SCHIP1: variants seen among roughly 807,000 people sequenced by gnomAD.
The protein encoded by SCHIP1 is schwannomin interacting protein 1.
Under a neutral mutation model 29.7 loss-of-function variants are expected in SCHIP1, and 8 were observed. The observed-to-expected ratio is 0.27, with a 90% CI of 0.16 to 0.49. The LOEUF is 0.49. Among genes scored for constraint, SCHIP1 ranks in the 20% least tolerant of loss-of-function variants. The probability of loss-of-function intolerance (pLI) is 0.99; values close to 1 mark genes in which losing one functional copy is unlikely to be tolerated. For synonymous variants in SCHIP1, 76 were observed against 94.9 expected (o/e 0.80, Z 1.16); for missense variants, 193 against 294.6 (o/e 0.66, Z 2.52).
chr3:159,426,176 A>T, the SCHIP1 span, among the ~76,000 whole-genome samples: 494 of 152,280 alleles, frequency 3.2e-3, no homozygotes, highest in African/African-American at 0.011. Context: ...AGCAGAAGGC[A>T]AGAAATAACT....
chr3:159,439,559 G>T, the SCHIP1 span, among the ~76,000 whole-genome samples: 2 of 152,066 alleles, frequency 1.3e-5, no homozygotes, highest in African/African-American at 2.4e-5. Context: ...TTCAAGAAGA[G>T]ATTTGGGTGG....
At chr3:159,500,468 C>CTT in the SCHIP1 span, among the ~76,000 whole-genome samples, 1 of 152,088 alleles carries the variant, frequency 6.6e-6, no homozygotes, top group Non-Finnish European at 1.5e-5. Flanking sequence ...AATCCCAGCA[C>CTT]TTTGGGAGGC....
chr3:159,365,150 T>C, the SCHIP1 span, among the ~76,000 whole-genome samples: 1 of 152,100 alleles, frequency 6.6e-6, no homozygotes, highest in Non-Finnish European at 1.5e-5. Context: ...GAAGGAAGGA[T>C]TGGGGCGGGT....
the SCHIP1 span, among the ~76,000 whole-genome samples, chr3:159,638,777 T>C: frequency 6.6e-6 from 1 of 152,088 alleles, no homozygotes; most frequent in East Asian, 1.9e-4. Context: ...TATAAATACT[T>C]ATATTCATTT....
At chr3:159,793,530 A>T in the SCHIP1 span, among the ~76,000 whole-genome samples, 12 of 152,272 alleles carry the variant, frequency 7.9e-5, no homozygotes, top group Non-Finnish European at 1.6e-4. Context: ...ACAGGGCTAA[A>T]ATCAGGTTGT....
At chr3:159,622,769 A>T in the SCHIP1 span, among the ~76,000 whole-genome samples, 1 of 151,968 alleles carries the variant, frequency 6.6e-6, no homozygotes, top group Non-Finnish European at 1.5e-5. Flanking sequence ...ATACAAAAAA[A>T]TTAGCCGGGC....
At chr3:159,835,816 T>A (rs1257546693), upstream of SCHIP1, among the ~76,000 whole-genome samples, 2 of 152,170 alleles carry the variant, frequency 1.3e-5, no homozygotes, top group Non-Finnish European at 2.9e-5. Context: ...GTATGCTCGA[T>A]GGCCTGAGGA....
chr3:159,656,150 G>A, the SCHIP1 span, among the ~76,000 whole-genome samples: 4 of 152,154 alleles, frequency 2.6e-5, no homozygotes, highest in South Asian at 2.1e-4. Flanking sequence ...TCTATGGTAA[G>A]CAAATTGGAA....
the SCHIP1 span, among the ~76,000 whole-genome samples, chr3:159,756,953 T>C: frequency 6.6e-6 from 1 of 152,320 alleles, no homozygotes; most frequent in African/African-American, 2.4e-5. Context: ...TTAATGTCCA[T>C]ATCACTATCA....
At chr3:159,418,124 G>A in the SCHIP1 span, among the ~76,000 whole-genome samples, 2 of 152,186 alleles carry the variant, frequency 1.3e-5, no homozygotes, top group African/African-American at 4.8e-5. Flanking sequence ...TAATACGTAT[G>A]TCTTAGAGCT....
At chr3:159,654,688 T>C in the SCHIP1 span, among the ~76,000 whole-genome samples, 1 of 150,440 alleles carries the variant, frequency 6.6e-6, no homozygotes, top group Non-Finnish European at 1.5e-5. Context: ...AGGGAGTCAG[T>C]AGGGGCCCAT....
At chr3:159,508,996 G>C in the SCHIP1 span, among the ~76,000 whole-genome samples, 1 of 152,198 alleles carries the variant, frequency 6.6e-6, no homozygotes, top group Admixed American at 6.5e-5. Context: ...ACTTGGTGCA[G>C]AGCTGAGTTC....
At chr3:159,564,837 G>A in the SCHIP1 span, among the ~76,000 whole-genome samples, 2 of 152,150 alleles carry the variant, frequency 1.3e-5, no homozygotes, top group South Asian at 4.1e-4. Context: ...CCCATTGAAT[G>A]ATTATTCCTG....
chr3:159,351,891 C>T, the SCHIP1 span, among the ~76,000 whole-genome samples: 3 of 152,170 alleles, frequency 2.0e-5, no homozygotes, highest in Non-Finnish European at 4.4e-5. Flanking sequence ...AAGGCAAGAA[C>T]TCATTCATTA....
chr3:159,867,777 A>G (rs1714774614), intron 2 of SCHIP1, among the ~76,000 whole-genome samples: 1 of 152,030 alleles, frequency 6.6e-6, no homozygotes, highest in Non-Finnish European at 1.5e-5. Flanking sequence ...TTAACAATTT[A>G]CTTAGTTTTA....
chr3:159,358,333 C>T, the SCHIP1 span, among the ~76,000 whole-genome samples: 3 of 152,160 alleles, frequency 2.0e-5, no homozygotes, highest in African/African-American at 7.2e-5. Context: ...TGGCCAGTCC[C>T]CAGAACCACA....
At chr3:159,820,189 G>A in the SCHIP1 span, among the ~76,000 whole-genome samples, 1 of 152,070 alleles carries the variant, frequency 6.6e-6, no homozygotes, top group Admixed American at 6.6e-5. Flanking sequence ...CTGAAAAAAA[G>A]ACTTCTATGG....
At chr3:159,846,920 T>C (rs2109066499) in intron 1 of SCHIP1, among the ~76,000 whole-genome samples, 1 of 152,206 alleles carries the variant, frequency 6.6e-6, no homozygotes, top group Non-Finnish European at 1.5e-5. Context: ...ATTTATATGC[T>C]TTACCACAAA....
At chr3:159,785,660 A>G in the SCHIP1 span, among the ~76,000 whole-genome samples, 12 of 151,828 alleles carry the variant, frequency 7.9e-5, no homozygotes, top group South Asian at 2.1e-4. Context: ...CAAGTGTTGC[A>G]ATAGAAGTGT....
Sources: gnomAD v4.1 joint callset for allele counts (sites outside exome capture counted in the v4.1 genomes callset) on GRCh38, gnomAD v4.1.1 for gene constraint, MANE v1.5 for transcripts, NCBI Gene and HGNC (gene_info 2026-07-23, HGNC 2026-07-21) for gene names.